ADGRE1: variants seen among roughly 807,000 people sequenced by gnomAD.
ADGRE1 encodes EGF-like module receptor 1.
Under a neutral mutation model 102.7 loss-of-function variants are expected in ADGRE1, and 82 were observed. That is an observed-to-expected ratio of 0.80 (90% CI 0.67 to 0.96). The LOEUF (loss-of-function observed/expected upper bound fraction) is 0.96, where lower values mean the gene tolerates loss of function less well. Among genes scored for constraint, ADGRE1 ranks in the 40% least tolerant of loss-of-function variants. The pLI is 0.00. For missense variants in ADGRE1, 1,032 were observed against 1,085.3 expected (o/e 0.95, Z 0.69); for synonymous variants, 398 against 399.6 (o/e 1.00, Z 0.05).
chr19:6,916,335 G>A lies in ADGRE1; in HGVS notation c.1387G>A (p.Gly463Arg), dbSNP rs758217934. ...LVAKGDKMKI[G>R]CSTIEESEST... ...AGCCAAGGGGGATAAGATGAAGATC[G>A]GGTGTTCCACAATTGAGGAATCTGA... Residue 463 changes from glycine to arginine, a missense_variant, in exon 12 of 21, where the codon GGG becomes AGG. Coordinates refer to ENST00000312053, the MANE Select transcript of ADGRE1 (RefSeq NM_001974.5). The A allele has an allele frequency of 5.0e-6, 8 of 1,613,504 alleles. No individual in the cohort carries two copies. The highest frequency in any genetic ancestry group is 4.5e-5 in the East Asian group (2 of 44,864).
intron 17 of ADGRE1, among the ~76,000 whole-genome samples, chr19:6,931,749 G>A (rs1975161810): frequency 6.6e-6 from 1 of 150,430 alleles, no homozygotes; most frequent in South Asian, 2.1e-4. Flanking sequence ...AGTGAGCCGA[G>A]ATAACATCAC....
chr19:6,917,572 C>G (rs569174054), intron 12 of ADGRE1, among the ~76,000 whole-genome samples: 40 of 152,060 alleles, frequency 2.6e-4, no homozygotes, highest in African/African-American at 8.9e-4. Flanking sequence ...AATCTCATCT[C>G]TACTAAAAAT....
intron 5 of ADGRE1, among the ~76,000 whole-genome samples, chr19:6,898,865 T>C (rs1394867317): frequency 2.6e-5 from 4 of 152,214 alleles, no homozygotes; most frequent in African/African-American, 7.2e-5. Flanking sequence ...TGGGTGTCTT[T>C]ACATGTTAGG....
In ADGRE1 at chr19:6,913,968, T is replaced by A. The variant is rs968680289; in HGVS notation, c.1300+138T>A. 2.0e-5 allele frequency: 19 copies of A among 960,206 alleles called. No homozygotes were observed. The African/African-American group carries it at 3.0e-4, about 15-fold the overall frequency. The allele number at this position is 960,206 out of a possible 1,614,324, so 59.5% of individuals were successfully genotyped here. On this transcript the variant is annotated intron_variant, in intron 11 of 20. Coordinates refer to ENST00000312053, the MANE Select transcript of ADGRE1 (RefSeq NM_001974.5). ...AACTTTGAATTCACAGCAAAGCAAG[T>A]CTAATCATATTAACAACATTTTCCA...
At position 6,904,106 on chromosome 19, in the gene ADGRE1, C is replaced by A. The variant is rs1213124703; in HGVS notation, c.873C>A (p.Ser291=). ...CTATCTGCACCAATGCCCTGGGCTC[C>A]TACAGCTGTGGCTGCATTGCAGGCT... ...PNSICTNALG[S]YSCGCIAGFH... The change falls in exon 8 of 21, where the codon TCC becomes TCA. Residue 291 remains serine (S), a synonymous_variant. Transcript: ENST00000312053. 6.2e-7 allele frequency: 1 copy of A among 1,614,102 alleles called. No homozygotes were observed. The highest frequency in any genetic ancestry group is 1.3e-5 in the African/African-American group (1 of 74,926).
At chr19:6,916,708 G>A (rs774053866) in intron 12 of ADGRE1, among the ~76,000 whole-genome samples, 71 of 151,262 alleles carry the variant, frequency 4.7e-4, no homozygotes, top group Admixed American at 1.3e-3. Context: ...GGATTAAAAC[G>A]TCTCACTCAT....
In ADGRE1 at chr19:6,906,349, G is replaced by A. The variant is rs1053146688; in HGVS notation, c.950-84G>A. On this transcript the variant is annotated intron_variant, in intron 8 of 20. Transcript: ENST00000312053. ...AATAGATGGATTTTAAGTCGGGCAC[G>A]GGAGGACATGAAATCAGACTTGAAT... 27 of 1,226,496 alleles carry A rather than the reference G, an allele frequency of 2.2e-5. No homozygotes were observed. The East Asian group carries it at 2.8e-4, about 13-fold the overall frequency. 76.0% of individuals were successfully genotyped at this position (1,226,496 alleles called of 1,614,324 possible). A position where few individuals can be genotyped will look rare whatever the true frequency, so the allele number is the denominator to read the frequency against.
Position 6,937,326 on chromosome 19 carries a change from C to G in ADGRE1, c.2465C>G (p.Ala822Gly), listed in dbSNP as rs760671915. The G allele has an allele frequency of 3.1e-6, 5 of 1,614,120 alleles. No individual in the cohort carries two copies. Among genetic ancestry groups the G allele is most frequent in the Non-Finnish European group, 3.4e-6 (4 of 1,180,016 alleles). Reference protein sequence around the residue: ...VLGIFQIGPVAGVMAYLFTII... With the variant: ...VLGIFQIGPVGGVMAYLFTII... ...GGCATTTTTCAGATTGGACCTGTGGCAGGTGTCATGGCTTACCTGTTCACC... is the reference window on the plus strand; with the variant it reads ...GGCATTTTTCAGATTGGACCTGTGGGAGGTGTCATGGCTTACCTGTTCACC... The change falls in exon 19 of 21, where the codon GCA becomes GGA. Residue 822 changes from alanine (A) to glycine (G), a missense_variant. Coordinates refer to ENST00000312053, the MANE Select transcript of ADGRE1 (RefSeq NM_001974.5).
Position 6,908,869 on chromosome 19 carries a change from C to T in ADGRE1, c.1122+97C>T, listed in dbSNP as rs998379801. On this transcript the variant is annotated intron_variant, in intron 10 of 20. Coordinates refer to ENST00000312053, the MANE Select transcript of ADGRE1 (RefSeq NM_001974.5). ...GTCTTTATGGCTGGGCGTGGTGGCT[C>T]ACACCCATAATCCCAGCACTTTGGG... The T allele has an allele frequency of 2.5e-5, 29 of 1,149,156 alleles. No individual in the cohort carries two copies. In the Admixed American group the frequency reaches 6.2e-4, roughly 25 times the overall value. The allele number at this position is 1,149,156 out of a possible 1,614,324, so 71.2% of individuals were successfully genotyped here.
At chr19:6,923,059 A>T (rs1974736940) in intron 14 of ADGRE1, among the ~76,000 whole-genome samples, 1 of 151,438 alleles carries the variant, frequency 6.6e-6, no homozygotes, top group South Asian at 2.1e-4. Context: ...CCTGGGTGAC[A>T]GAACCAGACT....
chr19:6,915,920 C>CAAAAAA (rs67370670), intron 11 of ADGRE1, among the ~76,000 whole-genome samples: 73 of 59,150 alleles, frequency 1.2e-3, no homozygotes, highest in African/African-American at 4.9e-3. Flanking sequence ...GACTCCGTCT[C>CAAAAAA]AAAAAAAAAA....
At chr19:6,892,155 C>T (rs116642689) in intron 2 of ADGRE1, among the ~76,000 whole-genome samples, 369 of 152,214 alleles carry the variant, frequency 2.4e-3, no homozygotes, top group African/African-American at 8.3e-3. Context: ...AATGTTGCCT[C>T]TACAGATGAA....
At chr19:6,938,306 C>T (rs461339) in intron 20 of ADGRE1, among the ~76,000 whole-genome samples, 105,983 of 151,866 alleles carry the variant, frequency 0.7, 37,233 homozygotes, top group Non-Finnish European at 0.74. Flanking sequence ...CATTGCACTC[C>T]AGCCTGGGCA....
rs1033268684 is a variant in ADGRE1, at chr19:6,926,531, T to A, written c.2152T>A (p.Tyr718Asn). Reference protein sequence around the residue: ...IKMLHICAFGYGLPMLVVVIS... With the variant: ...IKMLHICAFGNGLPMLVVVIS... ...GATGCTGCACATCTGTGCCTTTGGT[T>A]ATGGGCTGCCGATGCTGGTGGTGGT... Residue 718 changes from tyrosine to asparagine, a missense_variant, in exon 16 of 21, where the codon TAT becomes AAT. Tyr to Asn is a moderately radical substitution (Grantham distance 143, BLOSUM62 -2). Coordinates refer to ENST00000312053, the MANE Select transcript of ADGRE1 (RefSeq NM_001974.5). 1 of 1,614,130 alleles carries A rather than the reference T, an allele frequency of 6.2e-7. No homozygotes were observed. Among genetic ancestry groups the A allele is most frequent in the Non-Finnish European group, 8.5e-7 (1 of 1,180,038 alleles).
intron 1 of ADGRE1, 132 bp downstream of exon 1, chr19:6,887,771 C>G (rs1973204730): frequency 1.0e-6 from 1 of 967,824 alleles, no homozygotes; most frequent in Admixed American, 2.7e-5. Flanking sequence ...CACCTTCATT[C>G]AGGGAACCTT....
chr19:6,920,708 C>CCAA (rs1376106492), intron 13 of ADGRE1, among the ~76,000 whole-genome samples: 2 of 151,576 alleles, frequency 1.3e-5, no homozygotes, highest in East Asian at 2.0e-4. Flanking sequence ...CGGAGTTTCA[C>CCAA]CGTGTTGCTC....
At chr19:6,893,068 A>C (rs1973435529) in intron 2 of ADGRE1, among the ~76,000 whole-genome samples, 3 of 152,130 alleles carry the variant, frequency 2.0e-5, no homozygotes, top group African/African-American at 7.2e-5. Flanking sequence ...TTTAGCTCCC[A>C]CGTAGGAACG....
intron 17 of ADGRE1, among the ~76,000 whole-genome samples, chr19:6,934,674 T>TGCAA (rs1450023159): frequency 6.6e-6 from 1 of 151,524 alleles, no homozygotes; most frequent in Admixed American, 6.6e-5. Context: ...CTCAGCTGTC[T>TGCAA]GCAACCTCTG....
intron 2 of ADGRE1, among the ~76,000 whole-genome samples, chr19:6,893,952 C>A (rs1973464922): frequency 6.6e-6 from 1 of 152,134 alleles, no homozygotes; most frequent in Non-Finnish European, 1.5e-5. Context: ...TGGCTCATGT[C>A]CCCTTCCCCC....
Sources: allele counts gnomAD v4.1 joint callset (sites outside exome capture counted in the v4.1 genomes callset), GRCh38; gene constraint gnomAD v4.1.1; transcripts MANE v1.5; gene names NCBI Gene and HGNC (gene_info 2026-07-23, HGNC 2026-07-21).